The following NPTN variants were observed in gnomAD, a reference collection of about 807,000 sequenced individuals.
NPTN encodes SDR-1.
NPTN carries 5 observed loss-of-function variants against 42.7 expected under a neutral mutation model. That is an observed-to-expected ratio of 0.12 (90% CI 0.06 to 0.25). The LOEUF is 0.25. Ranked by LOEUF, NPTN falls within the 10% of genes least tolerant of loss-of-function variation. The pLI is 1.00. For missense variants in NPTN, 307 were observed against 525.4 expected (o/e 0.58, Z 4.06); for synonymous variants, 180 against 201.9 (o/e 0.89, Z 0.92).
intron 1 of NPTN, among the ~76,000 whole-genome samples, chr15:73,600,399 A>G (rs1897031756): frequency 6.6e-6 from 1 of 152,226 alleles, no homozygotes. Context: ...AGTATGCATT[A>G]TATGTTTAGG....
At chr15:73,610,525 G>A (rs904553779) in intron 1 of NPTN, among the ~76,000 whole-genome samples, 1 of 152,090 alleles carries the variant, frequency 6.6e-6, no homozygotes, top group African/African-American at 2.4e-5. Flanking sequence ...AAAAGCTAAC[G>A]CATAATCCCA....
rs74576824 is a variant in NPTN at position 73,595,642 on chromosome 15, A to G, written c.439+1380T>C. Among the ~76,000 whole-genome samples, 695 of 152,326 alleles carry G rather than the reference A, an allele frequency of 4.6e-3. 3 individuals are homozygous for G. The highest frequency in any genetic ancestry group is 0.016 in the African/African-American group (662 of 41,572). On this transcript the variant is annotated intron_variant, in intron 2 of 8. Transcript: ENST00000345330. ...TTACTATTCTTACTTTCTCTAGATC[A>G]ATCAGCTCTTTAAGCTGGAACTGGC...
In NPTN at chr15:73,580,049, C is replaced by T. The variant is rs540858599; in HGVS notation, c.707-6254G>A. ...CAAATATACCAATTGATGAAGCAGA[C>T]ATTACCCCACTTTTTAAAATTGGAA... On this transcript the variant is annotated intron_variant, in intron 4 of 8. Transcript: ENST00000345330. Among the ~76,000 whole-genome samples, 14 of 152,174 alleles carry T rather than the reference C, an allele frequency of 9.2e-5. No individual in the cohort carries two copies. In the East Asian group the frequency reaches 2.5e-3, roughly 27 times the overall value.
chr15:73,579,712 G>A (rs1010226081), intron 4 of NPTN, among the ~76,000 whole-genome samples: 3 of 152,142 alleles, frequency 2.0e-5, no homozygotes, highest in Non-Finnish European at 2.9e-5. Flanking sequence ...CTGGGAAAGG[G>A]TGGCCGCCAT....
rs748207661 is a variant in NPTN at position 73,570,986 on chromosome 15, A to C, written c.841-563T>G. Among the ~76,000 whole-genome samples the C allele has an allele frequency of 4.6e-5, 7 of 152,192 alleles. No homozygotes were observed. Among genetic ancestry groups the C allele is most frequent in the Non-Finnish European group, 7.3e-5 (5 of 68,032 alleles). ...TAGAGGAAAGGTTATTCAATCAATCAACAAATATTTGTGGCTGGGCACAGA... is the reference window on the plus strand; with the variant it reads ...TAGAGGAAAGGTTATTCAATCAATCCACAAATATTTGTGGCTGGGCACAGA... On this transcript the variant is annotated intron_variant, in intron 5 of 8. Coordinates refer to ENST00000345330, the MANE Select transcript of NPTN (RefSeq NM_012428.4). This position sits in a 1 kb window ranked among gnomAD's most constrained non-coding sequence, Gnocchi z 4.0.
intron 3 of NPTN, 57 bp downstream of exon 3, chr15:73,591,909 C>A: frequency 1.3e-6 from 2 of 1,508,694 alleles, no homozygotes; most frequent in South Asian, 1.3e-5. Flanking sequence ...TTATGAATGT[C>A]AAGTAAGCTC....
intron 4 of NPTN, among the ~76,000 whole-genome samples, chr15:73,578,484 AG>A (rs1895813846): frequency 6.6e-6 from 1 of 152,210 alleles, no homozygotes; most frequent in African/African-American, 2.4e-5. Flanking sequence ...TGAGAAGAAA[AG>A]GAGTCAAGGA....
At chr15:73,581,569 T>C (rs1329904123) in intron 4 of NPTN, among the ~76,000 whole-genome samples, 1 of 152,154 alleles carries the variant, frequency 6.6e-6, no homozygotes, top group Non-Finnish European at 1.5e-5. Flanking sequence ...GAGTCTCTGT[T>C]ACCCAACAGC....
chr15:73,586,199 G>A (rs972904506), intron 4 of NPTN, among the ~76,000 whole-genome samples: 4 of 152,204 alleles, frequency 2.6e-5, no homozygotes, highest in Non-Finnish European at 5.9e-5. Flanking sequence ...CAGGAATGCT[G>A]CACGGCCTCA....
intron 1 of NPTN, among the ~76,000 whole-genome samples, chr15:73,609,472 A>G (rs1464722221): frequency 6.6e-6 from 1 of 152,282 alleles, no homozygotes; most frequent in African/African-American, 2.4e-5. Flanking sequence ...CTACTAAAAA[A>G]TACAAAAACT....
rs1040869851 is a variant in NPTN at position 73,570,087 on chromosome 15, A to G, written c.1114+63T>C. On this transcript the variant is annotated intron_variant, in intron 6 of 8. Coordinates refer to ENST00000345330, the MANE Select transcript of NPTN (RefSeq NM_012428.4). The surrounding 1 kb of genome is among the most constrained non-coding windows in gnomAD (Gnocchi z 4.0). ...AACATCCCTATAGTCCTCTTTGGGT[A>G]CTTGGAAACCACCCGAAGGAACCAA... 2 of 1,493,032 alleles carry G rather than the reference A, an allele frequency of 1.3e-6. No individual in the cohort carries two copies. Among genetic ancestry groups the G allele is most frequent in the African/African-American group, 2.8e-5 (2 of 71,488 alleles). The allele number at this position is 1,493,032 out of a possible 1,614,324, so 92.5% of individuals were successfully genotyped here. A position where few individuals can be genotyped will look rare whatever the true frequency, so the allele number is the denominator to read the frequency against.
In NPTN at chr15:73,633,273, A is replaced by T; in HGVS notation, c.-58T>A. ...CCGGGGCCAGAGCCGGGGCCGGGGA[A>T]GGGAGGGGAGGGAGGGAGGGGGCGG... On this transcript the variant is annotated 5_prime_UTR_variant, in exon 1 of 9. Transcript: ENST00000345330. 32 of 368,036 alleles carry T rather than the reference A, an allele frequency of 8.7e-5. No individual in the cohort carries two copies. The highest frequency in any genetic ancestry group is 1.3e-4 in the Non-Finnish European group (26 of 194,290). The allele number at this position is 368,036 out of a possible 1,614,324, so 22.8% of individuals were successfully genotyped here. A position where few individuals can be genotyped will look rare whatever the true frequency, so the allele number is the denominator to read the frequency against.
intron 1 of NPTN, among the ~76,000 whole-genome samples, chr15:73,627,573 T>C (rs953181081): frequency 6.6e-6 from 1 of 152,220 alleles, no homozygotes; most frequent in Non-Finnish European, 1.5e-5. Flanking sequence ...ATTCTTTAAA[T>C]ATTTAGAAAA....
At chr15:73,584,319 T>C (rs556117795) in intron 4 of NPTN, among the ~76,000 whole-genome samples, 1 of 152,312 alleles carries the variant, frequency 6.6e-6, no homozygotes, top group African/African-American at 2.4e-5. Context: ...TTGGGAGTCA[T>C]GAGAGCAATT....
chr15:73,576,701 A>G (rs1895719720), intron 4 of NPTN, among the ~76,000 whole-genome samples: 1 of 152,058 alleles, frequency 6.6e-6, no homozygotes, highest in South Asian at 2.1e-4. Context: ...AATTTGCCCA[A>G]CTCGTAAGTA....
rs967681692 is a variant in NPTN, at chr15:73,588,899, T to C, written c.612-1281A>G. Among the ~76,000 whole-genome samples the C allele has an allele frequency of 3.3e-5, 5 of 152,334 alleles. No individual in the cohort carries two copies. The South Asian group carries it at 8.3e-4, about 25-fold the overall frequency. ...ACTGTTTATTCAGCATACTATCCCA[T>C]ACCGAGTACCTAGCCTGGTGCCTGG... On this transcript the variant is annotated intron_variant, in intron 3 of 8. Coordinates refer to ENST00000345330, the MANE Select transcript of NPTN (RefSeq NM_012428.4).
intron 6 of NPTN, chr15:73,568,372 TCAACCTTTCC>T: frequency 1.0e-6 from 1 of 985,420 alleles, no homozygotes; most frequent in Non-Finnish European, 1.2e-6. Flanking sequence ...TTTTAGCTTC[TCAACCTTTCC>T]AAAAGGCAGG....
At chr15:73,589,084 C>T (rs1365862530) in intron 3 of NPTN, among the ~76,000 whole-genome samples, 1 of 152,084 alleles carries the variant, frequency 6.6e-6, no homozygotes, top group Non-Finnish European at 1.5e-5. Flanking sequence ...GTAATCCCAG[C>T]ACTTTGGGAG....
At chr15:73,562,697 G>T (rs547231865) in intron 7 of NPTN, among the ~76,000 whole-genome samples, 2 of 152,280 alleles carry the variant, frequency 1.3e-5, no homozygotes, top group East Asian at 3.9e-4. Context: ...AGTTTATCCA[G>T]GCTATAGTTC....
Sources: allele counts gnomAD v4.1 joint callset (sites outside exome capture counted in the v4.1 genomes callset), GRCh38; gene constraint gnomAD v4.1.1; non-coding constraint Gnocchi (gnomAD v3.1); transcripts MANE v1.5; gene names NCBI Gene and HGNC (gene_info 2026-07-23, HGNC 2026-07-21).